Variants in PTPRD observed in about 807,000 individuals in gnomAD.
PTPRD encodes the protein receptor-type tyrosine-protein phosphatase delta.
In PTPRD, 34 loss-of-function variants were observed where a neutral mutation model predicts 214.5. The observed-to-expected ratio is 0.16, with a 90% CI of 0.12 to 0.21. The LOEUF (loss-of-function observed/expected upper bound fraction) is 0.21. Ranked by LOEUF, PTPRD falls within the 10% of genes least tolerant of loss-of-function variation. PTPRD has a pLI of 1.00. For missense variants in PTPRD, 2,545 were observed against 2,398.7 expected, an observed-to-expected ratio of 1.06 and a Z score of -1.27; for synonymous variants, 1,128 against 845.7, an observed-to-expected ratio of 1.33 and a Z score of -5.79.
chr9:10,077,736 G>A (rs1016437244), intron 3 of PTPRD, among the ~76,000 whole-genome samples: 1 of 151,990 alleles, frequency 6.6e-6, no homozygotes, highest in Non-Finnish European at 1.5e-5. Context: ...TAATAAGTAA[G>A]AACCTTTGGT....
At chr9:9,969,028 T>A (rs1342148305) in intron 4 of PTPRD, among the ~76,000 whole-genome samples, 6 of 152,124 alleles carry the variant, frequency 3.9e-5, no homozygotes, top group African/African-American at 1.2e-4. Flanking sequence ...GAGTCCATAG[T>A]CAAATAATTA....
intron 1 of PTPRD, 42 bp from the exon 2 acceptor site, chr9:10,612,547 T>C (rs2081308173): frequency 6.6e-6 from 1 of 152,274 alleles, no homozygotes; most frequent in Non-Finnish European, 1.5e-5. Context: ...CCGTCAGGGT[T>C]TGGCTTTGGT....
chr9:10,421,733 C>T (rs1231041160), intron 2 of PTPRD, among the ~76,000 whole-genome samples: 1 of 151,900 alleles, frequency 6.6e-6, no homozygotes, highest in Non-Finnish European at 1.5e-5. Flanking sequence ...TTCATAGAAA[C>T]TTGCTTGTTA....
At chr9:10,104,143 G>T (rs1009140043) in intron 3 of PTPRD, among the ~76,000 whole-genome samples, 3 of 151,704 alleles carry the variant, frequency 2.0e-5, no homozygotes, top group Admixed American at 6.6e-5. Context: ...AAAGTGGAAT[G>T]GTGGGTGCCA....
chr9:9,546,993 A>G (rs940274208), intron 8 of PTPRD, among the ~76,000 whole-genome samples: 49 of 151,886 alleles, frequency 3.2e-4, no homozygotes, highest in African/African-American at 1.2e-3. Context: ...AAATAAAAAG[A>G]CAAAAAATAA....
chr9:9,317,061 T>C (rs1963622177), intron 9 of PTPRD, among the ~76,000 whole-genome samples: 1 of 152,176 alleles, frequency 6.6e-6, no homozygotes, highest in Admixed American at 6.6e-5. Flanking sequence ...TATACTGATC[T>C]AGAAGCTTGT....
At chr9:8,775,138 T>A (rs1009561489) in intron 11 of PTPRD, among the ~76,000 whole-genome samples, 1 of 152,200 alleles carries the variant, frequency 6.6e-6, no homozygotes, top group Admixed American at 6.5e-5. Context: ...ATTGTATTGG[T>A]ATTTAAAATA....
rs139806296 is a variant in PTPRD at position 9,039,964 on chromosome 9, G to A, written c.-142-21229C>T. ...GGTCAGCCTATTTTCTCTGTGTAAT[G>A]TTGGAACTTCCTGTGCATTTTTTTT... On this transcript the variant is annotated intron_variant, in intron 10 of 45. Coordinates refer to ENST00000381196, the MANE Select transcript of PTPRD (RefSeq NM_002839.4). Among the ~76,000 whole-genome samples, 8 of 142,762 alleles carry A rather than the reference G, an allele frequency of 5.6e-5. No individual in the cohort carries two copies. In the East Asian group the frequency reaches 1.7e-3, roughly 30 times the overall value. 93.7% of individuals were successfully genotyped at this position (142,762 alleles called of 152,430 possible).
chr9:8,360,201 A>G (rs2078126292), intron 39 of PTPRD, among the ~76,000 whole-genome samples: 1 of 152,204 alleles, frequency 6.6e-6, no homozygotes. Context: ...GTCATAGCCA[A>G]TAAAGTACCA....
At chr9:10,220,103 A>T (rs1044821007) in intron 3 of PTPRD, among the ~76,000 whole-genome samples, 2 of 152,054 alleles carry the variant, frequency 1.3e-5, no homozygotes, top group East Asian at 3.9e-4. Context: ...CTTAAATAGT[A>T]TCTCAATTTA....
chr9:10,268,007 G>A (rs1369654226), intron 3 of PTPRD, among the ~76,000 whole-genome samples: 1 of 151,912 alleles, frequency 6.6e-6, no homozygotes, highest in Non-Finnish European at 1.5e-5. Context: ...ACAGCCAGGT[G>A]TGGTAGCTCA....
chr9:9,211,357 C>A (rs997895454), intron 9 of PTPRD, among the ~76,000 whole-genome samples: 1 of 152,084 alleles, frequency 6.6e-6, no homozygotes, highest in African/African-American at 2.4e-5. Context: ...GGTCTTGTGT[C>A]CTAAGTTTCT....
chr9:8,473,202 G>A (rs2096691225), intron 30 of PTPRD, among the ~76,000 whole-genome samples: 2 of 152,134 alleles, frequency 1.3e-5, no homozygotes, highest in Admixed American at 1.3e-4. Context: ...GGTGCCCTGA[G>A]CAACTAATCA....
intron 10 of PTPRD, among the ~76,000 whole-genome samples, chr9:9,093,746 G>C (rs1488955927): frequency 6.6e-6 from 1 of 151,600 alleles, no homozygotes; most frequent in Admixed American, 6.6e-5. Context: ...AAAGGAAAAA[G>C]TTCTCAAGTT....
chr9:8,494,432 G>A (rs73640922), intron 26 of PTPRD, among the ~76,000 whole-genome samples: 2,739 of 152,218 alleles, frequency 0.018, 67 homozygotes, highest in African/African-American at 0.062. Flanking sequence ...ACATTCCAGA[G>A]GATAGAAAAA....
At chr9:9,338,139 T>G (rs2045323992) in intron 9 of PTPRD, among the ~76,000 whole-genome samples, 4 of 152,170 alleles carry the variant, frequency 2.6e-5, no homozygotes, top group Admixed American at 2.6e-4. Context: ...GCTGCTAATT[T>G]CGTGTTTATT....
At chr9:9,098,688 T>A (rs2099787144) in intron 10 of PTPRD, among the ~76,000 whole-genome samples, 1 of 152,178 alleles carries the variant, frequency 6.6e-6, no homozygotes, top group African/African-American at 2.4e-5. Flanking sequence ...TTACATAAAC[T>A]CTTGGCAACT....
intron 11 of PTPRD, among the ~76,000 whole-genome samples, chr9:8,966,077 C>T (rs991808016): frequency 6.6e-6 from 1 of 151,882 alleles, no homozygotes; most frequent in Admixed American, 6.6e-5. Flanking sequence ...TACATATAAC[C>T]AAGGAGGTGA....
chr9:9,013,755 G>A (rs984604435), intron 11 of PTPRD, among the ~76,000 whole-genome samples: 3 of 152,148 alleles, frequency 2.0e-5, no homozygotes, highest in Non-Finnish European at 2.9e-5. Context: ...CAGGTATGGG[G>A]ATGTACCCAC....
Sources: allele counts gnomAD v4.1 joint callset (sites outside exome capture counted in the v4.1 genomes callset), GRCh38; gene constraint gnomAD v4.1.1; transcripts MANE v1.5; gene names NCBI Gene and HGNC (gene_info 2026-07-23, HGNC 2026-07-21).